Variants in MDH1 observed in about 807,000 individuals in gnomAD.
MDH1 encodes malate dehydrogenase, cytoplasmic.
MDH1 carries 15 observed loss-of-function variants against 38.7 expected under a neutral mutation model. The ratio of observed to expected loss-of-function variants is 0.39; its 90% CI spans 0.26 to 0.60. MDH1 has a LOEUF of 0.60. MDH1 is among the 20% of genes least tolerant of loss of function. The pLI, the probability that MDH1 is intolerant of heterozygous loss-of-function variation, is 0.56. For missense variants in MDH1, 368 were observed against 405.2 expected, an observed-to-expected ratio of 0.91 and a Z score of 0.79; for synonymous variants, 144 against 143.6, an observed-to-expected ratio of 1.00 and a Z score of -0.02.
intron 3 of MDH1, chr2:63,597,129 A>G (rs1558860276): frequency 3.5e-6 from 1 of 285,556 alleles, no homozygotes; most frequent in East Asian, 1.8e-4. Context: ...TATACCTTGC[A>G]TCATATATGA....
rs529112037 is a variant in MDH1, at chr2:63,594,111, T to C, written c.4-377T>C. Among the ~76,000 whole-genome samples the C allele has an allele frequency of 1.9e-4, 29 of 152,310 alleles. 1 individual carries two copies. In the South Asian group the frequency reaches 5.8e-3, roughly 30 times the overall value. On this transcript the variant is annotated intron_variant, in intron 1 of 8. Coordinates refer to ENST00000233114, the MANE Select transcript of MDH1 (RefSeq NM_005917.4). ...TTCACTCTTCTTCTTGGTATGAAGA[T>C]TCTATTGAGCAGATGGGAGTGGGGG...
intron 5 of MDH1, among the ~76,000 whole-genome samples, chr2:63,600,523 G>C (rs1173394768): frequency 6.6e-6 from 1 of 152,192 alleles, no homozygotes; most frequent in Non-Finnish European, 1.5e-5. Context: ...TGTAATAATT[G>C]TATCTACCTC....
chr2:63,592,934 C>T (rs1709227291), intron 1 of MDH1, among the ~76,000 whole-genome samples: 1 of 151,680 alleles, frequency 6.6e-6, no homozygotes, highest in South Asian at 2.1e-4. Context: ...ACCTACTCTA[C>T]TTCAAGGAAA....
At chr2:63,592,900 T>C (rs1709226693) in intron 1 of MDH1, among the ~76,000 whole-genome samples, 1 of 152,092 alleles carries the variant, frequency 6.6e-6, no homozygotes, top group Non-Finnish European at 1.5e-5. Flanking sequence ...GAGTAATAAT[T>C]TCTTCCTGTA....
chr2:63,605,205 G>A (rs1709503231), intron 6 of MDH1, 75 bp from the exon 7 acceptor site: 5 of 972,564 alleles, frequency 5.1e-6, no homozygotes, highest in African/African-American at 1.6e-5. Flanking sequence ...TTCACCCCAA[G>A]GTCGACTTGG....
At chr2:63,600,709 T>A (rs1191045450) in intron 5 of MDH1, among the ~76,000 whole-genome samples, 1 of 152,214 alleles carries the variant, frequency 6.6e-6, no homozygotes, top group Admixed American at 6.5e-5. Context: ...CTTAAATTTT[T>A]AGCTTAAAGT....
chr2:63,589,564 T>C (rs1246739277), intron 1 of MDH1, among the ~76,000 whole-genome samples: 1 of 152,252 alleles, frequency 6.6e-6, no homozygotes, highest in Non-Finnish European at 1.5e-5. Context: ...ATATCTAATT[T>C]CTCAAAATGT....
Position 63,606,162 on chromosome 2 carries a change from G to T in MDH1, c.879+134G>T. ...TTTGGAAGGGCAAGGTGGCAAGATT[G>T]CTTGAGCCCAGGAGTTCAAGACCAG... On this transcript the variant is annotated intron_variant, in intron 8 of 8. Coordinates refer to ENST00000233114, the MANE Select transcript of MDH1 (RefSeq NM_005917.4). 4 of 832,882 alleles carry T rather than the reference G, an allele frequency of 4.8e-6. No individual in the cohort carries two copies. The Admixed American group carries it at 5.6e-5, about 12-fold the overall frequency. 51.6% of individuals were successfully genotyped at this position (832,882 alleles called of 1,614,324 possible). A position where few individuals can be genotyped will look rare whatever the true frequency, so the allele number is the denominator to read the frequency against.
At chr2:63,604,577 G>T in intron 5 of MDH1, 119 bp from the exon 6 acceptor site, 2 of 775,744 alleles carry the variant, frequency 2.6e-6, no homozygotes, top group Non-Finnish European at 4.0e-6. Context: ...TATAACTCTT[G>T]TGTTCTCTTG....
chr2:63,589,285 G>C, intron 1 of MDH1: 8 of 1,550,922 alleles, frequency 5.2e-6, no homozygotes, highest in Non-Finnish European at 7.0e-6. Context: ...AGTTGTCCTG[G>C]GAGAGGAGCG....
intron 3 of MDH1, among the ~76,000 whole-genome samples, chr2:63,597,060 C>T (rs1709327725): frequency 6.6e-6 from 1 of 152,182 alleles, no homozygotes. Flanking sequence ...GAATTAGTTG[C>T]TCTTTTGTGT....
At chr2:63,591,307 C>A (rs1008528569) in intron 1 of MDH1, among the ~76,000 whole-genome samples, 3 of 152,242 alleles carry the variant, frequency 2.0e-5, no homozygotes, top group African/African-American at 7.2e-5. Flanking sequence ...AAGAACCATA[C>A]ATGGACTTTT....
At chr2:63,591,127 A>C (rs934881816) in intron 1 of MDH1, among the ~76,000 whole-genome samples, 1 of 152,248 alleles carries the variant, frequency 6.6e-6, no homozygotes, top group African/African-American at 2.4e-5. Context: ...ATCTGCAGGA[A>C]AGTCATTGGT....
chr2:63,593,623 A>G, intron 1 of MDH1: 1 of 471,738 alleles, frequency 2.1e-6, no homozygotes, highest in Non-Finnish European at 4.4e-6. Flanking sequence ...CCATTTCTCC[A>G]TGCAGGTAGG....
At chr2:63,606,784 T>C in intron 8 of MDH1, 78 bp from the exon 9 acceptor site, 1 of 1,112,880 alleles carries the variant, frequency 9.0e-7, no homozygotes, top group South Asian at 1.9e-5. Flanking sequence ...TACCTCTAAA[T>C]ATAAGTTCAA....
intron 1 of MDH1, among the ~76,000 whole-genome samples, chr2:63,591,665 TC>T (rs1179240745): frequency 6.6e-6 from 1 of 152,186 alleles, no homozygotes; most frequent in Non-Finnish European, 1.5e-5. Context: ...ACCCTAACCT[TC>T]CTTCATTCAA....
chr2:63,596,737 CAAAG>C (rs1709319631), intron 3 of MDH1, among the ~76,000 whole-genome samples: 1 of 152,118 alleles, frequency 6.6e-6, no homozygotes, highest in African/African-American at 2.4e-5. Context: ...ATACAATCAA[CAAAG>C]AAGTGCGATG....
At chr2:63,589,414 T>C in intron 1 of MDH1, 2 of 1,542,958 alleles carry the variant, frequency 1.3e-6, no homozygotes, top group South Asian at 2.4e-5. Flanking sequence ...GGTTGGGTCC[T>C]AACCCCTTTT....
chr2:63,601,032 G>A (rs1709407983), intron 5 of MDH1, among the ~76,000 whole-genome samples: 1 of 152,180 alleles, frequency 6.6e-6, no homozygotes, highest in Non-Finnish European at 1.5e-5. Context: ...CCTGGTGCCT[G>A]AAACAGTTCT....
Sources: gnomAD v4.1 joint callset for allele counts (sites outside exome capture counted in the v4.1 genomes callset) on GRCh38, gnomAD v4.1.1 for gene constraint, MANE v1.5 for transcripts, NCBI Gene and HGNC (gene_info 2026-07-23, HGNC 2026-07-21) for gene names.